Variants in MYH1 observed in about 807,000 individuals in gnomAD.
MYH1 encodes the protein myosin-1.
Under a neutral mutation model 225.6 loss-of-function variants are expected in MYH1, and 214 were observed. The observed-to-expected ratio is 0.95, with a 90% CI of 0.85 to 1.06. The LOEUF is 1.06. MYH1 is among the 50% of genes least tolerant of loss of function. MYH1 has a pLI of 0.00. For missense variants in MYH1, 2,098 were observed against 2,344.2 expected (o/e 0.89, Z 2.17); for synonymous variants, 774 against 842.3 (o/e 0.92, Z 1.40).
chr17:10,512,618 G>A, intron 11 of MYH1, 63 bp downstream of exon 11: 1 of 1,611,036 alleles, frequency 6.2e-7, no homozygotes, highest in South Asian at 1.1e-5. Context: ...CACACATATA[G>A]ATGGCTGTTA....
chr17:10,513,957 T>C (rs1269309182), intron 7 of MYH1, 44 bp from the exon 8 acceptor site: 1 of 1,613,838 alleles, frequency 6.2e-7, no homozygotes, highest in Non-Finnish European at 8.5e-7. Context: ...CTTGGGAATT[T>C]CCTACCTGAG....
chr17:10,497,022 C>T (rs1010854723), intron 33 of MYH1, 47 bp downstream of exon 33: 10 of 1,585,810 alleles, frequency 6.3e-6, no homozygotes, highest in Non-Finnish European at 4.3e-6. Flanking sequence ...TTTAATAGAC[C>T]CCAATTCCTC....
Position 10,511,949 on chromosome 17 carries a change from C to T in MYH1, c.1306G>A (p.Asp436Asn), listed in dbSNP as rs200860839. Residue 436 changes from aspartate to asparagine, a missense_variant, in exon 14 of 40, where the codon GAT becomes AAT. By Grantham distance (23) the Asp-to-Asn change is conservative. Coordinates refer to ENST00000226207, the MANE Select transcript of MYH1 (RefSeq NM_005963.4). ...GTGACCATCCACAAGAACATCTTAT[C>T]GTAGACAGCTTTGGCCAGAGCACCC... ...AVGALAKAVY[D>N]KMFLWMVTRI... 5 of 1,614,144 alleles carry T rather than the reference C, an allele frequency of 3.1e-6. No homozygotes were observed. Among genetic ancestry groups the T allele is most frequent in the East Asian group, 2.2e-5 (1 of 44,878 alleles).
intron 14 of MYH1, among the ~76,000 whole-genome samples, chr17:10,509,880 A>G (rs575787590): frequency 6.6e-6 from 1 of 152,312 alleles, no homozygotes; most frequent in African/African-American, 2.4e-5. Flanking sequence ...AATAAAAAAA[A>G]GTTGTTTGGA....
intron 22 of MYH1, 61 bp downstream of exon 22, chr17:10,504,749 T>G: frequency 1.3e-6 from 2 of 1,578,154 alleles, no homozygotes; most frequent in Non-Finnish European, 1.7e-6. Context: ...GATCTCTCCT[T>G]AGTGACCACT....
chr17:10,505,109 G>A (rs769501803), intron 21 of MYH1, 44 bp from the exon 22 acceptor site: 1 of 1,612,720 alleles, frequency 6.2e-7, no homozygotes, highest in South Asian at 1.1e-5. Context: ...ATAATAAGAA[G>A]CAGAATTAAA....
At chr17:10,516,912 T>C (rs1292675134) in intron 2 of MYH1, among the ~76,000 whole-genome samples, 1 of 152,258 alleles carries the variant, frequency 6.6e-6, no homozygotes, top group African/African-American at 2.4e-5. Flanking sequence ...GGCTCACCTA[T>C]TGCAGTCTCT....
intron 17 of MYH1, among the ~76,000 whole-genome samples, chr17:10,506,873 C>G (rs1418243303): frequency 6.6e-6 from 1 of 152,166 alleles, no homozygotes; most frequent in East Asian, 1.9e-4. Flanking sequence ...AGATATAGAG[C>G]TGTGTCCTCC....
chr17:10,503,661 T>C (rs564719082), intron 22 of MYH1, among the ~76,000 whole-genome samples: 66 of 151,908 alleles, frequency 4.3e-4, no homozygotes, highest in African/African-American at 1.6e-3. Flanking sequence ...AGTGACAGAG[T>C]AGACAAAGGG....
intron 37 of MYH1, 83 bp from the exon 38 acceptor site, chr17:10,494,756 C>G: frequency 6.3e-7 from 1 of 1,589,550 alleles, no homozygotes; most frequent in Non-Finnish European, 8.6e-7. Flanking sequence ...TTCTACTCTG[C>G]TTTATATGTA....
chr17:10,499,360 A>G (rs965352034), intron 28 of MYH1, among the ~76,000 whole-genome samples: 8 of 152,256 alleles, frequency 5.3e-5, no homozygotes, highest in Admixed American at 2.0e-4. Context: ...AAAATTGATG[A>G]AGAAACATGA....
rs1329437266 is a variant in MYH1, at chr17:10,512,540, T to C, written c.1015A>G (p.Ile339Val). The C allele has an allele frequency of 1.2e-6, 2 of 1,614,130 alleles. No homozygotes were observed. The highest frequency in any genetic ancestry group is 1.7e-5 in the Admixed American group (1 of 60,020). Residue 339 changes from isoleucine (I) to valine (V), a missense_variant, in exon 12 of 40, where the codon ATT becomes GTT. Ile to Val is a conservative substitution (Grantham distance 29). Coordinates refer to ENST00000226207, the MANE Select transcript of MYH1 (RefSeq NM_005963.4). ...TCTGAAGTAAAGCCCAGAATTTCAA[T>C]GGCACTCTACCATGAGAGATGAGAA... The part of the protein sequence containing the change: ...QEELMATDSA[I>V]EILGFTSDER...
In MYH1 at chr17:10,496,554, A is replaced by G. The variant is rs1327549289; in HGVS notation, c.4657-5T>C. 6.2e-7 allele frequency: 1 copy of G among 1,614,210 alleles called. No individual in the cohort carries two copies. Among genetic ancestry groups the G allele is most frequent in the Admixed American group, 1.7e-5 (1 of 60,030 alleles). On this transcript the variant is annotated splice_region_variant and splice_polypyrimidine_tract_variant and intron_variant, in intron 33 of 39. Coordinates refer to ENST00000226207, the MANE Select transcript of MYH1 (RefSeq NM_005963.4). The stretch of plus-strand genomic sequence containing the variant: ...CTCTTCATGTTCAAGAGATGCCTTA[A>G]TGACAGCAAGAGGTGACATTAGTAG...
Position 10,509,484 on chromosome 17 carries a change from C to T in MYH1, c.1587+1G>A. The T allele has an allele frequency of 1.2e-6, 2 of 1,614,128 alleles. No homozygotes were observed. The highest frequency in any genetic ancestry group is 1.7e-6 in the Non-Finnish European group (2 of 1,180,032). On this transcript the variant is annotated splice_donor_variant, in intron 15 of 39. Transcript: ENST00000226207. LOFTEE classifies it high-confidence loss of function. ...CTGTGGTCTGCAAAAAGCAAGCCAA[C>T]CTTCTCGATGAGCTCGATGCAGGCA...
chr17:10,492,632 G>A (rs1326809083), intron 39 of MYH1, 64 bp from the exon 40 acceptor site: 1 of 1,482,222 alleles, frequency 6.7e-7, no homozygotes, highest in African/African-American at 1.4e-5. Context: ...TAGGTCAGTG[G>A]ATCTTGAATT....
chr17:10,515,785 T>C lies in MYH1; in HGVS notation c.505+141A>G. 6.4e-6 allele frequency: 9 copies of C among 1,411,608 alleles called. No homozygotes were observed. The South Asian group carries it at 1.1e-4, about 17-fold the overall frequency. The allele number at this position is 1,411,608 out of a possible 1,614,324, so 87.4% of individuals were successfully genotyped here. On this transcript the variant is annotated intron_variant, in intron 5 of 39. Coordinates refer to ENST00000226207, the MANE Select transcript of MYH1 (RefSeq NM_005963.4). ...TTTTAATACGAGCTTTGACAGTATA[T>C]ACTTCTCTGTGCTTTAGTCACCTCT...
chr17:10,508,211 G>A (rs2073134848), intron 16 of MYH1, 152 bp downstream of exon 16: 1 of 920,684 alleles, frequency 1.1e-6, no homozygotes, highest in Admixed American at 2.7e-5. Context: ...TAGAGACGGG[G>A]TTTTGCTATG....
rs756711444 is a variant in MYH1, at chr17:10,511,956, A to G, written c.1299T>C (p.Ala433=). ...VYNAVGALAK[A]VYDKMFLWMV... ...TCCACAAGAACATCTTATCGTAGAC[A>G]GCTTTGGCCAGAGCACCCACTGCAT... is the stretch of plus-strand genomic sequence containing the variant. Residue 433 remains alanine (A), a synonymous_variant, in exon 14 of 40, where the codon GCT becomes GCC. Coordinates refer to ENST00000226207, the MANE Select transcript of MYH1 (RefSeq NM_005963.4). 4 of 1,614,074 alleles carry G rather than the reference A, an allele frequency of 2.5e-6. No homozygotes were observed. The African/African-American group carries it at 5.3e-5, about 22-fold the overall frequency.
In MYH1 at chr17:10,514,908, C is replaced by T; in HGVS notation, c.506-13G>A. The T allele has an allele frequency of 1.9e-6, 3 of 1,611,844 alleles. No homozygotes were observed. The highest frequency in any genetic ancestry group is 2.5e-6 in the Non-Finnish European group (3 of 1,178,384). On this transcript the variant is annotated splice_polypyrimidine_tract_variant and intron_variant, in intron 5 of 39. Transcript: ENST00000226207. Reference sequence around the variant, plus strand: ...TGATTCTCCCGATCTAGAAGAAAAACAGTGGAAAATCAGCATATGTATCAG... The same window carrying T: ...TGATTCTCCCGATCTAGAAGAAAAATAGTGGAAAATCAGCATATGTATCAG...
Sources: gnomAD v4.1 joint callset for allele counts (sites outside exome capture counted in the v4.1 genomes callset) on GRCh38, gnomAD v4.1.1 for gene constraint, MANE v1.5 for transcripts, NCBI Gene and HGNC (gene_info 2026-07-23, HGNC 2026-07-21) for gene names.